GIPC2: variants seen among roughly 807,000 people sequenced by gnomAD.
GIPC2 encodes GIPC PDZ domain containing family member 2.
In GIPC2, 30 loss-of-function variants were observed where a neutral mutation model predicts 30.6. The observed-to-expected ratio is 0.98, with a 90% CI of 0.73 to 1.33. GIPC2 has a LOEUF of 1.33. Ranked by LOEUF, GIPC2 falls within the 40% of genes most tolerant of loss-of-function variation. The probability of loss-of-function intolerance (pLI) is 0.00; values close to 1 mark genes in which losing one functional copy is unlikely to be tolerated. For missense variants in GIPC2, 414 were observed against 390.3 expected (o/e 1.06, Z -0.51); for synonymous variants, 167 against 150.0 (o/e 1.11, Z -0.83).
chr1:78,088,358 T>G (rs547722415), intron 2 of GIPC2, among the ~76,000 whole-genome samples: 6 of 152,166 alleles, frequency 3.9e-5, no homozygotes. Flanking sequence ...TAAATGCCAA[T>G]CAGCAGCAGA....
At chr1:78,045,087 C>T, upstream of GIPC2, 2 of 983,084 alleles carry the variant, frequency 2.0e-6, no homozygotes, top group Middle Eastern at 5.2e-4. Flanking sequence ...ATGGGCAACG[C>T]AGACCAAGTA....
intron 1 of GIPC2, among the ~76,000 whole-genome samples, chr1:78,046,882 T>TC (rs1297295543): frequency 3.3e-5 from 5 of 152,116 alleles, no homozygotes; most frequent in Non-Finnish European, 5.9e-5. Flanking sequence ...AGGCCCACTT[T>TC]CCCCCAATCT....
At chr1:78,100,402 A>G (rs1263153929) in intron 3 of GIPC2, among the ~76,000 whole-genome samples, 1 of 152,216 alleles carries the variant, frequency 6.6e-6, no homozygotes, top group Non-Finnish European at 1.5e-5. Flanking sequence ...GTACCTGCAC[A>G]CCACTGAATA....
chr1:78,050,542 A>G (rs994202665), intron 1 of GIPC2, among the ~76,000 whole-genome samples: 1 of 152,238 alleles, frequency 6.6e-6, no homozygotes, highest in Non-Finnish European at 1.5e-5. Context: ...AAAAGAAAAA[A>G]AACCCTGTAA....
intron 3 of GIPC2, among the ~76,000 whole-genome samples, chr1:78,118,863 T>A (rs1331620689): frequency 6.6e-6 from 1 of 152,198 alleles, no homozygotes; most frequent in Admixed American, 6.5e-5. Context: ...CAATCACCGG[T>A]CTCATAGGTT....
chr1:78,045,503 G>T, upstream of GIPC2: 1 of 943,794 alleles, frequency 1.1e-6, no homozygotes, highest in Non-Finnish European at 1.3e-6. Flanking sequence ...AGGCAAAAGG[G>T]AAACTCAGAG....
intron 3 of GIPC2, among the ~76,000 whole-genome samples, chr1:78,096,958 T>C (rs1662149012): frequency 6.6e-6 from 1 of 151,848 alleles, no homozygotes; most frequent in Admixed American, 6.6e-5. Flanking sequence ...CTCTGGGCCC[T>C]AGTGTGAGGG....
At chr1:78,108,019 T>C (rs1264829469) in intron 3 of GIPC2, among the ~76,000 whole-genome samples, 2 of 152,050 alleles carry the variant, frequency 1.3e-5, no homozygotes, top group Non-Finnish European at 2.9e-5. Flanking sequence ...AGGATCTGTT[T>C]TGGTAACTAT....
At chr1:78,082,221 A>G (rs1204922746) in intron 2 of GIPC2, among the ~76,000 whole-genome samples, 3 of 152,152 alleles carry the variant, frequency 2.0e-5, no homozygotes, top group Non-Finnish European at 4.4e-5. Flanking sequence ...CAGGATTTGG[A>G]TCTATGAGGT....
Position 78,135,960 on chromosome 1 carries a change from G to C in GIPC2, c.*217G>C. On this transcript the variant is annotated 3_prime_UTR_variant, in exon 6 of 6. Transcript: ENST00000370759. The stretch of plus-strand genomic sequence containing the variant: ...GCTTAAGAGAAATGACCTAAATAAG[G>C]ATCAATTGTAATATTCATTCAAAAG... 2.5e-6 allele frequency: 1 copy of C among 400,326 alleles called. No homozygotes were observed. Among genetic ancestry groups the C allele is most frequent in the Non-Finnish European group, 4.4e-6 (1 of 229,664 alleles). The allele number at this position is 400,326 out of a possible 1,614,324, so 24.8% of individuals were successfully genotyped here.
chr1:78,128,972 T>C, intron 5 of GIPC2, among the ~76,000 whole-genome samples: 1 of 150,936 alleles, frequency 6.6e-6, no homozygotes, highest in Non-Finnish European at 1.5e-5. Context: ...GCCACTGCAC[T>C]TTAGACTGGA....
chr1:78,126,591 A>G (rs1267727016), intron 5 of GIPC2, among the ~76,000 whole-genome samples: 1 of 152,104 alleles, frequency 6.6e-6, no homozygotes, highest in Non-Finnish European at 1.5e-5. Context: ...TATAATTGAA[A>G]AGTCTAGCGC....
At chr1:78,092,067 C>T in intron 2 of GIPC2, 2 of 1,512,146 alleles carry the variant, frequency 1.3e-6, no homozygotes, top group Non-Finnish European at 1.8e-6. Context: ...ACCATGTCAG[C>T]TTCACCCCCC....
At chr1:78,078,611 T>TG (rs1271152284) in intron 1 of GIPC2, among the ~76,000 whole-genome samples, 1 of 152,200 alleles carries the variant, frequency 6.6e-6, no homozygotes, top group Non-Finnish European at 1.5e-5. Context: ...GGAAATCTAA[T>TG]GTTTGCTTTG....
upstream of GIPC2, chr1:78,045,690 T>G (rs890686033): frequency 2.0e-6 from 2 of 985,372 alleles, no homozygotes; most frequent in Non-Finnish European, 2.4e-6. Flanking sequence ...CCCGAAGGCC[T>G]GTGGCCAAAT....
At position 78,119,476 on chromosome 1, in the gene GIPC2, G is replaced by C; in HGVS notation, c.691G>C (p.Gly231Arg). The C allele has an allele frequency of 6.2e-7, 1 of 1,608,998 alleles. No homozygotes were observed. Among genetic ancestry groups the C allele is most frequent in the Non-Finnish European group, 8.5e-7 (1 of 1,175,502 alleles). The change falls in exon 4 of 6, where the codon GGT (glycine) becomes CGT (arginine). Residue 231 changes from glycine to arginine, a missense_variant. Gly to Arg is a moderately radical substitution (Grantham distance 125). Transcript: ENST00000370759. Reference protein sequence around the residue: ...GRATLRLRSKGPATVEEMPSE... With the variant: ...GRATLRLRSKRPATVEEMPSE... ...GGCAACACTTCGCCTGAGATCAAAA[G>C]GTCCTGCCACCGTGGAAGAAATGGT... is the stretch of plus-strand genomic sequence containing the variant.
chr1:78,058,565 C>T (rs1043043529), intron 1 of GIPC2, among the ~76,000 whole-genome samples: 5 of 152,218 alleles, frequency 3.3e-5, no homozygotes, highest in African/African-American at 1.2e-4. Context: ...ATTTGACAAG[C>T]TAGTGTGGGT....
intron 1 of GIPC2, among the ~76,000 whole-genome samples, chr1:78,052,866 C>T (rs1661221031): frequency 6.6e-6 from 1 of 152,140 alleles, no homozygotes; most frequent in Admixed American, 6.5e-5. Flanking sequence ...AGTCAATATT[C>T]TGTATTTATG....
At chr1:78,100,624 G>A (rs971549989) in intron 3 of GIPC2, among the ~76,000 whole-genome samples, 2 of 151,958 alleles carry the variant, frequency 1.3e-5, no homozygotes, top group Non-Finnish European at 2.9e-5. Context: ...TCTGTGGAAC[G>A]ATTCAGTTAG....
Sources: gnomAD v4.1 joint callset for allele counts (sites outside exome capture counted in the v4.1 genomes callset) on GRCh38, gnomAD v4.1.1 for gene constraint, MANE v1.5 for transcripts, NCBI Gene and HGNC (gene_info 2026-07-23, HGNC 2026-07-21) for gene names.